Variants in GAS2 observed in about 807,000 individuals in gnomAD.
GAS2 encodes the protein growth arrest-specific protein 2.
GAS2 carries 20 observed loss-of-function variants against 37.5 expected under a neutral mutation model. The observed-to-expected ratio is 0.53, with a 90% confidence interval of 0.37 to 0.77. GAS2 has a LOEUF of 0.77. Among genes scored for constraint, GAS2 ranks in the 30% least tolerant of loss-of-function variants. GAS2 has a pLI of 0.00. For synonymous variants in GAS2, 144 were observed against 132.2 expected, an observed-to-expected ratio of 1.09 and a Z score of -0.61; for missense variants, 336 against 373.4, an observed-to-expected ratio of 0.90 and a Z score of 0.82.
intron 7 of GAS2, among the ~76,000 whole-genome samples, chr11:22,780,963 A>G (rs547678457): frequency 4.6e-5 from 7 of 152,364 alleles, no homozygotes; most frequent in African/African-American, 1.7e-4. Flanking sequence ...TTTTAAAAAG[A>G]TAATCACAGC....
intron 1 of GAS2, among the ~76,000 whole-genome samples, chr11:22,649,731 G>T (rs1848749274): frequency 1.3e-5 from 2 of 152,076 alleles, no homozygotes; most frequent in South Asian, 4.1e-4. Flanking sequence ...TTCTCTGACG[G>T]TAGTTTGTAT....
At chr11:22,781,695 C>G (rs1233133470) in intron 7 of GAS2, among the ~76,000 whole-genome samples, 1 of 152,008 alleles carries the variant, frequency 6.6e-6, no homozygotes, top group East Asian at 1.9e-4. Flanking sequence ...GGTAAACTCC[C>G]TGAGGTTTAT....
At chr11:22,677,089 C>CA (rs1053561488) in intron 2 of GAS2, among the ~76,000 whole-genome samples, 28 of 151,666 alleles carry the variant, frequency 1.8e-4, no homozygotes, top group African/African-American at 2.9e-4. Flanking sequence ...CTTAGATTAG[C>CA]AAAAAAACAC....
At chr11:22,731,685 T>G (rs775046598) in intron 4 of GAS2, among the ~76,000 whole-genome samples, 2 of 151,786 alleles carry the variant, frequency 1.3e-5, no homozygotes, top group Non-Finnish European at 2.9e-5. Context: ...AGAAAAAGAA[T>G]CTATGCCTGC....
intron 3 of GAS2, among the ~76,000 whole-genome samples, chr11:22,689,642 A>G (rs1590639964): frequency 6.6e-6 from 1 of 152,236 alleles, no homozygotes; most frequent in East Asian, 1.9e-4. Flanking sequence ...AACAAAAAAG[A>G]CTTATGAGAT....
Position 22,727,438 on chromosome 11 carries a change from G to A in GAS2, c.409+1005G>A, listed in dbSNP as rs77191026. Reference sequence around the variant, plus strand: ...TTGCCCCTAGGCCCCATTCCCATGCGTAACCTAGGAAATTTATGGAAACAG... The same window carrying A: ...TTGCCCCTAGGCCCCATTCCCATGCATAACCTAGGAAATTTATGGAAACAG... On this transcript the variant is annotated intron_variant, in intron 4 of 7. Coordinates refer to ENST00000454584, the MANE Select transcript of GAS2 (RefSeq NM_001143830.3). Among the ~76,000 whole-genome samples, 979 of 152,056 alleles carry A rather than the reference G, an allele frequency of 6.4e-3. 8 individuals carry two copies. Among genetic ancestry groups the A allele is most frequent in the African/African-American group, 0.021 (880 of 41,518 alleles).
At chr11:22,784,679 A>ATGAC (rs1345795280) in intron 7 of GAS2, among the ~76,000 whole-genome samples, 3 of 152,128 alleles carry the variant, frequency 2.0e-5, no homozygotes, top group Non-Finnish European at 4.4e-5. Flanking sequence ...ATGCTCCAAG[A>ATGAC]TGACTATGTC....
chr11:22,727,256 A>C (rs980983896), intron 4 of GAS2, among the ~76,000 whole-genome samples: 1 of 152,094 alleles, frequency 6.6e-6, no homozygotes, highest in Non-Finnish European at 1.5e-5. Context: ...TTGAGAAAGG[A>C]GACATCTAGA....
chr11:22,684,781 G>A (rs546600427), intron 2 of GAS2, among the ~76,000 whole-genome samples: 223 of 152,238 alleles, frequency 1.5e-3, no homozygotes, highest in African/African-American at 4.9e-3. Context: ...TTGCCCCATG[G>A]CTGGTCTCTA....
chr11:22,674,663 CTAAG>C, intron 1 of GAS2, 183 bp from the exon 2 acceptor site: 2 of 367,644 alleles, frequency 5.4e-6, no homozygotes, highest in Admixed American at 4.6e-5. Flanking sequence ...TGTTTTCCTA[CTAAG>C]TGTTTGGCCA....
intron 4 of GAS2, among the ~76,000 whole-genome samples, chr11:22,728,086 G>T (rs531599881): frequency 6.6e-6 from 1 of 152,074 alleles, no homozygotes; most frequent in African/African-American, 2.4e-5. Context: ...TAATTTGCTA[G>T]TTTGTTCATT....
rs35755438 is a variant in GAS2 at position 22,789,425 on chromosome 11, GATATAT to G, written c.724-22348_724-22343del. On this transcript the variant is annotated intron_variant, in intron 7 of 7. Coordinates refer to ENST00000454584, the MANE Select transcript of GAS2 (RefSeq NM_001143830.3). ...GTGTATGTGTGTGTATCTCATATGA[GATATAT>G]ATATATATATATATATATATATATT... Among the ~76,000 whole-genome samples, 163 of 30,638 alleles carry G rather than the reference GATATAT, an allele frequency of 5.3e-3. 2 individuals carry two copies. The highest frequency in any genetic ancestry group is 0.013 in the African/African-American group (146 of 11,104). The allele number at this position is 30,638 out of a possible 152,430, so 20.1% of individuals were successfully genotyped here.
chr11:22,707,415 T>G lies in GAS2; in HGVS notation c.268-18877T>G, dbSNP rs567236696. ...CTTGAATTTTCTTTGACCTAGTCCT[T>G]AAAAAATATTTCAGTTGTAAGCTGT... On this transcript the variant is annotated intron_variant, in intron 3 of 7. Transcript: ENST00000454584. Among the ~76,000 whole-genome samples the G allele has an allele frequency of 4.3e-4, 65 of 152,298 alleles. No homozygotes were observed. In the South Asian group the frequency reaches 0.013, roughly 31 times the overall value.
At chr11:22,656,482 G>T (rs1185623458) in intron 1 of GAS2, among the ~76,000 whole-genome samples, 1 of 152,170 alleles carries the variant, frequency 6.6e-6, no homozygotes, top group East Asian at 1.9e-4. Context: ...ACTATAAAAA[G>T]AATGTTCATA....
chr11:22,719,719 G>A (rs1479682625), intron 3 of GAS2, among the ~76,000 whole-genome samples: 2 of 152,036 alleles, frequency 1.3e-5, no homozygotes, highest in Non-Finnish European at 2.9e-5. Context: ...ACAGCCTGTA[G>A]TATTTTTTTA....
At chr11:22,637,713 CAT>C (rs1284578127) in intron 1 of GAS2, among the ~76,000 whole-genome samples, 1 of 134,404 alleles carries the variant, frequency 7.4e-6, no homozygotes, top group Non-Finnish European at 1.5e-5. Flanking sequence ...AATATATAAT[CAT>C]GTATTTATAG....
chr11:22,748,748 C>T (rs1387071084), intron 5 of GAS2, among the ~76,000 whole-genome samples: 1 of 152,044 alleles, frequency 6.6e-6, no homozygotes, highest in South Asian at 2.1e-4. Context: ...TTTTAACAAA[C>T]TTAGGTTCAA....
At chr11:22,741,734 C>T (rs1853092670) in intron 5 of GAS2, among the ~76,000 whole-genome samples, 1 of 152,114 alleles carries the variant, frequency 6.6e-6, no homozygotes, top group Admixed American at 6.6e-5. Flanking sequence ...CTGCTGAGAA[C>T]ATCATATACT....
Position 22,630,971 on chromosome 11 carries a change from A to G in GAS2, c.-21+5158A>G, listed in dbSNP as rs1419457662. 3.3e-5 allele frequency among the ~76,000 whole-genome samples: 5 copies of G among 152,212 alleles called. 1 individual carries two copies. Among genetic ancestry groups the G allele is most frequent in the South Asian group, 4.1e-4 (2 of 4,834 alleles). On this transcript the variant is annotated intron_variant, in intron 1 of 5. Coordinates refer to the GAS2 transcript ENST00000528582. Reference sequence around the variant, plus strand: ...ATCATAATATTGATTCTTCCAGGCCATGAGCATGAGGTGTATTTCCATTTG... The same window carrying G: ...ATCATAATATTGATTCTTCCAGGCCGTGAGCATGAGGTGTATTTCCATTTG...
Sources: gnomAD v4.1 joint callset for allele counts (sites outside exome capture counted in the v4.1 genomes callset) on GRCh38, gnomAD v4.1.1 for gene constraint, MANE v1.5 for transcripts, NCBI Gene and HGNC (gene_info 2026-07-23, HGNC 2026-07-21) for gene names.